The following PRIM2 variants were observed in gnomAD, a reference collection of about 807,000 sequenced individuals.
The protein encoded by PRIM2 is DNA primase subunit 2.
In PRIM2, 39 loss-of-function variants were observed where a neutral mutation model predicts 67.3. That is an observed-to-expected ratio of 0.58 (90% CI 0.45 to 0.76). PRIM2 has a LOEUF of 0.76. Among genes scored for constraint, PRIM2 ranks in the 30% least tolerant of loss-of-function variants. The probability of loss-of-function intolerance (pLI) is 0.00; values close to 1 mark genes in which losing one functional copy is unlikely to be tolerated. For synonymous variants in PRIM2, 143 were observed against 198.7 expected (o/e 0.72, Z 2.36); for missense variants, 398 against 598.7 (o/e 0.66, Z 3.50).
At chr6:57,318,310 CATTT>C in intron 1 of PRIM2, 123 bp from the exon 2 acceptor site, 1 of 880,528 alleles carries the variant, frequency 1.1e-6, no homozygotes, top group Non-Finnish European at 1.7e-6. Context: ...CCACTGCTAA[CATTT>C]TGTGCATGCC....
At chr6:57,327,287 T>A (rs999020138) in intron 5 of PRIM2, among the ~76,000 whole-genome samples, 11 of 152,104 alleles carry the variant, frequency 7.2e-5, no homozygotes, top group Non-Finnish European at 1.5e-4. Flanking sequence ...AGTCAGATGG[T>A]AGTAGGACTG....
chr6:57,466,691 A>G (rs201705382), intron 7 of PRIM2, among the ~76,000 whole-genome samples: 10,588 of 152,148 alleles, frequency 0.07, 528 homozygotes, highest in East Asian at 0.2. Context: ...AAATTTGTTT[A>G]AGTTCTTTGT....
chr6:57,347,073 A>ACCTG (rs1768701099), intron 5 of PRIM2, among the ~76,000 whole-genome samples: 1 of 152,122 alleles, frequency 6.6e-6, no homozygotes, highest in African/African-American at 2.4e-5. Flanking sequence ...GGCTATTGAT[A>ACCTG]CCTGCCTCCT....
chr6:57,354,753 A>G (rs1768971279), intron 5 of PRIM2, among the ~76,000 whole-genome samples: 1 of 152,250 alleles, frequency 6.6e-6, no homozygotes, highest in South Asian at 2.1e-4. Flanking sequence ...AACGCAGGGC[A>G]AGATGATTCA....
intron 3 of PRIM2, among the ~76,000 whole-genome samples, chr6:57,321,748 T>C (rs1002759039): frequency 2.6e-5 from 4 of 152,216 alleles, no homozygotes; most frequent in Admixed American, 2.6e-4. Flanking sequence ...GTGCATTACA[T>C]ATATTAACCC....
At chr6:57,454,697 A>C (rs1290859229) in intron 7 of PRIM2, among the ~76,000 whole-genome samples, 2 of 151,940 alleles carry the variant, frequency 1.3e-5, no homozygotes, top group East Asian at 1.9e-4. Flanking sequence ...TAGTCTTGCT[A>C]GTGGTCTATC....
intron 12 of PRIM2, among the ~76,000 whole-genome samples, chr6:57,610,173 A>T (rs1203554841): frequency 6.6e-6 from 1 of 152,076 alleles, no homozygotes; most frequent in Admixed American, 6.5e-5. Flanking sequence ...GCTTCAAGTG[A>T]TTCTCCCGCC....
intron 10 of PRIM2, among the ~76,000 whole-genome samples, chr6:57,563,899 T>C (rs1480607457): frequency 1.3e-5 from 2 of 152,204 alleles, no homozygotes; most frequent in Non-Finnish European, 2.9e-5. Flanking sequence ...GCTCTGGTGA[T>C]CCACCCTCCT....
chr6:57,593,801 T>A, intron 10 of PRIM2, among the ~76,000 whole-genome samples: 1 of 152,226 alleles, frequency 6.6e-6, no homozygotes. Context: ...CAAGTTTCAT[T>A]TATTTTTATT....
intron 12 of PRIM2, among the ~76,000 whole-genome samples, chr6:57,629,197 A>T (rs1173257220): frequency 6.6e-6 from 1 of 152,200 alleles, no homozygotes; most frequent in Non-Finnish European, 1.5e-5. Context: ...TGCAGTCCAT[A>T]TACAAATTCT....
At chr6:57,396,287 C>A (rs1336209214) in intron 7 of PRIM2, among the ~76,000 whole-genome samples, 1 of 152,080 alleles carries the variant, frequency 6.6e-6, no homozygotes, top group African/African-American at 2.4e-5. Context: ...CTTGCTATCT[C>A]ATTTCTTATG....
chr6:57,489,292 T>G (rs1259658277), intron 7 of PRIM2, among the ~76,000 whole-genome samples: 1 of 152,230 alleles, frequency 6.6e-6, no homozygotes, highest in African/African-American at 2.4e-5. Context: ...TGCAGTGGCT[T>G]ACGCCTGTAA....
intron 7 of PRIM2, among the ~76,000 whole-genome samples, chr6:57,469,377 A>C (rs1338917472): frequency 6.6e-5 from 10 of 152,246 alleles, no homozygotes; most frequent in Non-Finnish European, 1.5e-4. Flanking sequence ...ACACTAGTGA[A>C]TCACGTTTAT....
chr6:57,441,346 C>CA (rs1192184390), intron 7 of PRIM2, among the ~76,000 whole-genome samples: 1 of 152,162 alleles, frequency 6.6e-6, no homozygotes, highest in African/African-American at 2.4e-5. Context: ...GTAATAAATT[C>CA]AGTGAGAGGA....
chr6:57,251,736 T>C, the PRIM2 span, among the ~76,000 whole-genome samples: 18 of 152,322 alleles, frequency 1.2e-4, no homozygotes, highest in African/African-American at 3.1e-4. Flanking sequence ...TAGATCTTTA[T>C]ATATTTGAAG....
At chr6:57,635,011 G>C (rs1438675054) in intron 13 of PRIM2, among the ~76,000 whole-genome samples, 2 of 151,968 alleles carry the variant, frequency 1.3e-5, no homozygotes, top group Non-Finnish European at 2.9e-5. Flanking sequence ...TATTTTTACT[G>C]TCAGGTTTCT....
intron 10 of PRIM2, among the ~76,000 whole-genome samples, chr6:57,593,304 CTCT>C (rs1776313339): frequency 6.6e-6 from 1 of 151,578 alleles, no homozygotes; most frequent in African/African-American, 2.4e-5. Context: ...TTCTTCCTAC[CTCT>C]TTTTTTTTTT....
chr6:57,438,070 TA>T (rs5876565), intron 7 of PRIM2, among the ~76,000 whole-genome samples: 96,611 of 151,942 alleles, frequency 0.64, 30,952 homozygotes, highest in South Asian at 0.74. Flanking sequence ...AATTATGGTT[TA>T]AAAAAATCAG....
chr6:57,299,292 TA>T, the PRIM2 span, among the ~76,000 whole-genome samples: 1 of 151,830 alleles, frequency 6.6e-6, no homozygotes, highest in Admixed American at 6.6e-5. Context: ...CTTGATAAAA[TA>T]AAAAAAATCT....
Sources: gnomAD v4.1 joint callset for allele counts (sites outside exome capture counted in the v4.1 genomes callset) on GRCh38, gnomAD v4.1.1 for gene constraint, MANE v1.5 for transcripts, NCBI Gene and HGNC (gene_info 2026-07-23, HGNC 2026-07-21) for gene names.